PNPLA8: variants seen among roughly 807,000 people sequenced by gnomAD.
PNPLA8 encodes the protein calcium-independent phospholipase A2-gamma.
PNPLA8 carries 39 observed loss-of-function variants against 76.9 expected under a neutral mutation model. The ratio of observed to expected loss-of-function variants is 0.51; its 90% CI spans 0.39 to 0.66. The LOEUF is 0.66. Ranked by LOEUF, PNPLA8 falls within the 30% of genes least tolerant of loss-of-function variation. PNPLA8 has a pLI of 0.00. For synonymous variants in PNPLA8, 301 were observed against 307.9 expected (o/e 0.98, Z 0.24); for missense variants, 887 against 918.0 (o/e 0.97, Z 0.44).
chr7:108,484,709 T>C (rs569231060), intron 9 of PNPLA8, among the ~76,000 whole-genome samples: 3 of 152,338 alleles, frequency 2.0e-5, no homozygotes, highest in African/African-American at 7.2e-5. Context: ...TCTATAGTAC[T>C]TCTTAATCCT....
At chr7:108,473,131 C>T (rs916480997) in intron 10 of PNPLA8, among the ~76,000 whole-genome samples, 1 of 152,172 alleles carries the variant, frequency 6.6e-6, no homozygotes, top group African/African-American at 2.4e-5. Flanking sequence ...TTCCTTTAAG[C>T]CTCTTTATAG....
At chr7:108,488,279 T>C (rs1168221153) in intron 8 of PNPLA8, among the ~76,000 whole-genome samples, 1 of 152,112 alleles carries the variant, frequency 6.6e-6, no homozygotes, top group African/African-American at 2.4e-5. Flanking sequence ...ACAGTAGTAA[T>C]GAATAAAAAC....
At chr7:108,492,424 T>G (rs186509018) in intron 7 of PNPLA8, among the ~76,000 whole-genome samples, 1 of 152,236 alleles carries the variant, frequency 6.6e-6, no homozygotes, top group Non-Finnish European at 1.5e-5. Context: ...GAATTCTTAC[T>G]GTAAAATTAC....
At chr7:108,505,817 G>C (rs1182582193) in intron 4 of PNPLA8, among the ~76,000 whole-genome samples, 1 of 152,046 alleles carries the variant, frequency 6.6e-6, no homozygotes, top group Non-Finnish European at 1.5e-5. Context: ...ATAGGAGAAC[G>C]ATTTGTAAGA....
Position 108,514,020 on chromosome 7 carries a change from T to C in PNPLA8, c.1206+124A>G, listed in dbSNP as rs914116239. The C allele has an allele frequency of 1.0e-4, 68 of 673,454 alleles. No homozygotes were observed. The African/African-American group carries it at 1.1e-3, about 11-fold the overall frequency. 41.7% of individuals were successfully genotyped at this position (673,454 alleles called of 1,614,324 possible). A position where few individuals can be genotyped will look rare whatever the true frequency, so the allele number is the denominator to read the frequency against. ...AAATAGGGTAATTACTGAATACACA[T>C]CACATGTATAATAAAAACCACAAAA... On this transcript the variant is annotated intron_variant, in intron 4 of 10. Coordinates refer to ENST00000257694, the MANE Select transcript of PNPLA8 (RefSeq NM_001256007.3).
intron 5 of PNPLA8, among the ~76,000 whole-genome samples, chr7:108,500,926 AG>A (rs1861893750): frequency 6.6e-6 from 1 of 151,902 alleles, no homozygotes; most frequent in Admixed American, 6.6e-5. Context: ...AAAAAAAAAA[AG>A]TTACTGGTAC....
Position 108,514,748 on chromosome 7 carries a change from A to G in PNPLA8, c.744T>C (p.Ser248=). The stretch of plus-strand genomic sequence containing the variant: ...TATAAGCCAGGATGCCAGGATCTGG[A>G]GATCTTAATTTCCCCTCTTCTACCT... The part of the protein sequence containing the change: ...DKKVEEGKLR[S]PDPGILAYKP... Residue 248 remains serine, a synonymous_variant, in exon 3 of 11, where the codon TCT becomes TCC. Transcript: ENST00000257694. 6.2e-7 allele frequency: 1 copy of G among 1,613,442 alleles called. No homozygotes were observed. The highest frequency in any genetic ancestry group is 8.5e-7 in the Non-Finnish European group (1 of 1,179,528).
In PNPLA8 at chr7:108,496,774, A is replaced by C; in HGVS notation, c.1454-19T>G. 1 of 1,593,186 alleles carries C rather than the reference A, an allele frequency of 6.3e-7. No individual in the cohort carries two copies. The highest frequency in any genetic ancestry group is 8.6e-7 in the Non-Finnish European group (1 of 1,166,270). On this transcript the variant is annotated intron_variant, in intron 6 of 10. Transcript: ENST00000257694. ...ATGGCACCTGGAAAAAAGAATCCTT[A>C]GCTTTTATCAGTGTTAAGTTATAGC...
At chr7:108,519,051 T>C (rs1174357564) in intron 2 of PNPLA8, among the ~76,000 whole-genome samples, 1 of 139,748 alleles carries the variant, frequency 7.2e-6, no homozygotes, top group Non-Finnish European at 1.5e-5. Flanking sequence ...CAAAGTGAGA[T>C]AAAATCGAGG....
intron 8 of PNPLA8, among the ~76,000 whole-genome samples, chr7:108,490,565 C>T (rs560255067): frequency 2.0e-5 from 3 of 152,192 alleles, no homozygotes; most frequent in South Asian, 2.1e-4. Flanking sequence ...GGGCGAATCA[C>T]GAGGTCAGGA....
intron 4 of PNPLA8, among the ~76,000 whole-genome samples, chr7:108,505,597 G>A (rs1301903393): frequency 1.3e-5 from 2 of 151,304 alleles, no homozygotes; most frequent in East Asian, 1.9e-4. Context: ...GCTTGATCTC[G>A]TGATCTGCCC....
chr7:108,509,613 G>C (rs1374642319), intron 4 of PNPLA8, among the ~76,000 whole-genome samples: 1 of 149,438 alleles, frequency 6.7e-6, no homozygotes, highest in Non-Finnish European at 1.5e-5. Context: ...GTGGAAGTCA[G>C]TGTGGCGATT....
intron 7 of PNPLA8, 95 bp downstream of exon 7, chr7:108,496,489 G>A (rs777742719): frequency 1.9e-5 from 13 of 688,156 alleles, no homozygotes; most frequent in African/African-American, 3.8e-5. Flanking sequence ...ATTATAATAT[G>A]CAAGAATATA....
chr7:108,523,927 T>C (rs1274241306), intron 1 of PNPLA8, among the ~76,000 whole-genome samples: 1 of 151,968 alleles, frequency 6.6e-6, no homozygotes, highest in African/African-American at 2.4e-5. Context: ...GAGAGGGAAG[T>C]GTTAAGAGAG....
rs1395174195 is a variant in PNPLA8 at position 108,471,896 on chromosome 7, C to T, written c.*505G>A. ...TAATAGAGAAAATTCCATTTTTCTG[C>T]ATCTATTTAGATGATATTACAATAA... On this transcript the variant is annotated 3_prime_UTR_variant, in exon 11 of 11. Coordinates refer to ENST00000257694, the MANE Select transcript of PNPLA8 (RefSeq NM_001256007.3). 2.6e-5 allele frequency: 4 copies of T among 151,990 alleles called. No homozygotes were observed. The highest frequency in any genetic ancestry group is 9.7e-5 in the African/African-American group (4 of 41,344). The allele number at this position is 151,990 out of a possible 1,614,324, so 9.4% of individuals were successfully genotyped here. A position where few individuals can be genotyped will look rare whatever the true frequency, so the allele number is the denominator to read the frequency against.
chr7:108,526,138 C>T, upstream of PNPLA8: 5 of 971,588 alleles, frequency 5.1e-6, no homozygotes, highest in Non-Finnish European at 6.1e-6. Flanking sequence ...CAAACACTGG[C>T]GCAGCAGCTA....
chr7:108,502,564 C>A lies in PNPLA8; in HGVS notation c.1285G>T (p.Ala429Ser). 1.5e-5 allele frequency: 24 copies of A among 1,612,328 alleles called. No individual in the cohort carries two copies. Among genetic ancestry groups the A allele is most frequent in the Middle Eastern group, 1.7e-4 (1 of 6,058 alleles). ...ACTGGATCCACATAGCCAATTAGGG[C>A]CAAAATTTCTCTAACTGCAGCCTGA... ...TLQAAVREILALIGYVDPVKG... is the reference protein window; with the variant it reads ...TLQAAVREILSLIGYVDPVKG... Residue 429 changes from alanine (A) to serine (S), a missense_variant, in exon 5 of 11, where the codon GCC becomes TCC. Ala to Ser is a moderately conservative substitution (Grantham distance 99). Transcript: ENST00000257694.
intron 1 of PNPLA8, among the ~76,000 whole-genome samples, chr7:108,523,348 T>C (rs1863873608): frequency 6.6e-6 from 1 of 152,144 alleles, no homozygotes; most frequent in African/African-American, 2.4e-5. Context: ...GAGCAGACCA[T>C]CCAGAGGGAA....
chr7:108,524,690 A>G (rs1003327617), intron 1 of PNPLA8, among the ~76,000 whole-genome samples: 1 of 152,124 alleles, frequency 6.6e-6, no homozygotes, highest in Non-Finnish European at 1.5e-5. Flanking sequence ...GTGGTTGCGC[A>G]CGCCTGTAAA....
Sources: gnomAD v4.1 joint callset for allele counts (sites outside exome capture counted in the v4.1 genomes callset) on GRCh38, gnomAD v4.1.1 for gene constraint, MANE v1.5 for transcripts, NCBI Gene and HGNC (gene_info 2026-07-23, HGNC 2026-07-21) for gene names.